EPB41L5: variants seen among roughly 807,000 people sequenced by gnomAD.
EPB41L5 encodes band 4.1-like protein 5.
A neutral mutation model predicts 106.6 loss-of-function variants in EPB41L5; 55 were observed. The ratio of observed to expected loss-of-function variants is 0.52; its 90% CI spans 0.42 to 0.65. The LOEUF (loss-of-function observed/expected upper bound fraction) is 0.65. Among genes scored for constraint, EPB41L5 ranks in the 30% least tolerant of loss-of-function variants. The pLI is 0.00. For synonymous variants in EPB41L5, 297 were observed against 306.7 expected, an observed-to-expected ratio of 0.97 and a Z score of 0.33; for missense variants, 871 against 882.1, an observed-to-expected ratio of 0.99 and a Z score of 0.16.
chr2:120,115,603 G>C (rs1311262045), intron 16 of EPB41L5, among the ~76,000 whole-genome samples: 5 of 151,904 alleles, frequency 3.3e-5, no homozygotes, highest in Admixed American at 2.6e-4. Flanking sequence ...TGTTGGTCAG[G>C]CTGGTCTCGA....
intron 18 of EPB41L5, among the ~76,000 whole-genome samples, chr2:120,139,893 T>TA (rs1391304719): frequency 6.6e-5 from 10 of 152,212 alleles, no homozygotes; most frequent in African/African-American, 2.4e-4. Context: ...CTGTTCACAG[T>TA]AGCCAAGATT....
At chr2:120,055,181 G>A (rs1442982483) in intron 3 of EPB41L5, among the ~76,000 whole-genome samples, 2 of 152,104 alleles carry the variant, frequency 1.3e-5, no homozygotes, top group Non-Finnish European at 1.5e-5. Flanking sequence ...TGATCTTTAT[G>A]TTGATCCTTA....
At chr2:120,098,120 T>G (rs1683875435) in intron 14 of EPB41L5, among the ~76,000 whole-genome samples, 1 of 149,744 alleles carries the variant, frequency 6.7e-6, no homozygotes, top group African/African-American at 2.5e-5. Flanking sequence ...ATCTTTAAAA[T>G]TGCCATGGCA....
chr2:120,047,516 C>A (rs190900015), intron 3 of EPB41L5, among the ~76,000 whole-genome samples: 6 of 151,812 alleles, frequency 4.0e-5, no homozygotes, highest in African/African-American at 1.5e-4. Flanking sequence ...GATTTTGTAT[C>A]CTGAGACTTT....
intron 3 of EPB41L5, among the ~76,000 whole-genome samples, chr2:120,055,546 T>C (rs1388845668): frequency 7.2e-6 from 1 of 138,716 alleles, no homozygotes; most frequent in East Asian, 2.2e-4. Flanking sequence ...TGGAGTGCAG[T>C]GGTGTGATCT....
At chr2:120,016,989 G>T (rs1026254764) in intron 1 of EPB41L5, among the ~76,000 whole-genome samples, 3 of 152,140 alleles carry the variant, frequency 2.0e-5, no homozygotes, top group African/African-American at 4.8e-5. Flanking sequence ...ACCTAATTAC[G>T]CAAGAGTATA....
At chr2:120,101,399 T>C (rs898578534) in intron 16 of EPB41L5, among the ~76,000 whole-genome samples, 2 of 152,240 alleles carry the variant, frequency 1.3e-5, no homozygotes, top group African/African-American at 4.8e-5. Context: ...ATGGATACTT[T>C]GTGTCTTATT....
At chr2:120,166,149 G>A (rs1296784225) in intron 22 of EPB41L5, among the ~76,000 whole-genome samples, 1 of 151,946 alleles carries the variant, frequency 6.6e-6, no homozygotes, top group East Asian at 1.9e-4. Context: ...CCCTTGGAGG[G>A]GACGTTAACA....
chr2:120,083,142 G>T (rs1574623043), intron 10 of EPB41L5, among the ~76,000 whole-genome samples: 1 of 152,078 alleles, frequency 6.6e-6, no homozygotes, highest in Non-Finnish European at 1.5e-5. Context: ...CCTGCCTTCT[G>T]CTAGCTTTTG....
chr2:120,032,015 G>T (rs1457336925), intron 2 of EPB41L5, among the ~76,000 whole-genome samples: 1 of 152,040 alleles, frequency 6.6e-6, no homozygotes, highest in Non-Finnish European at 1.5e-5. Context: ...CATAAAGGAC[G>T]TTCTAAGCAG....
chr2:120,171,000 T>C (rs983447824), intron 24 of EPB41L5, among the ~76,000 whole-genome samples: 1 of 152,164 alleles, frequency 6.6e-6, no homozygotes, highest in African/African-American at 2.4e-5. Flanking sequence ...AATATATAGA[T>C]GTTATAGTAA....
At chr2:120,157,788 TC>T (rs1172389212) in intron 20 of EPB41L5, among the ~76,000 whole-genome samples, 1 of 127,198 alleles carries the variant, frequency 7.9e-6, no homozygotes, top group Non-Finnish European at 1.7e-5. Context: ...AAAAAAAAAA[TC>T]CAAAAAAACC....
chr2:120,042,461 G>A (rs1443521482), intron 3 of EPB41L5, among the ~76,000 whole-genome samples: 6 of 152,110 alleles, frequency 3.9e-5, no homozygotes, highest in African/African-American at 1.2e-4. Flanking sequence ...ATGGGCTCTT[G>A]GGTAAACAAT....
intron 10 of EPB41L5, among the ~76,000 whole-genome samples, chr2:120,081,543 A>G (rs6714831): frequency 0.68 from 103,414 of 152,018 alleles, 36,983 homozygotes; most frequent in Non-Finnish European, 0.79. Flanking sequence ...CAGGTAGCGT[A>G]ATGCCTTCAG....
At chr2:120,156,472 C>T (rs761284191) in intron 20 of EPB41L5, among the ~76,000 whole-genome samples, 1 of 152,192 alleles carries the variant, frequency 6.6e-6, no homozygotes, top group African/African-American at 2.4e-5. Context: ...TGTTTCCTTG[C>T]CCCACCAGTG....
At chr2:120,061,363 C>T (rs1332431211) in intron 3 of EPB41L5, among the ~76,000 whole-genome samples, 132 of 150,094 alleles carry the variant, frequency 8.8e-4, no homozygotes, top group African/African-American at 3.1e-3. Context: ...GCTGGGACTA[C>T]AGGCGCCCGC....
At chr2:120,146,348 T>C in intron 20 of EPB41L5, 59 bp downstream of exon 20, 11 of 1,260,998 alleles carry the variant, frequency 8.7e-6, no homozygotes, top group Non-Finnish European at 1.3e-5. Context: ...GTCTTTTTTT[T>C]CTTCTCAGTC....
chr2:120,176,526 G>T lies in EPB41L5; in HGVS notation c.*1619G>T. On this transcript the variant is annotated 3_prime_UTR_variant, in exon 25 of 25. Transcript: ENST00000263713. The stretch of plus-strand genomic sequence containing the variant: ...GCTGTAGTGATTGGAACCCACGTTT[G>T]CACAAAACATTTTTGCAGAAGGAAA... The T allele has an allele frequency of 6.6e-6, 1 of 152,330 alleles. No individual in the cohort carries two copies. Among genetic ancestry groups the T allele is most frequent in the Non-Finnish European group, 1.5e-5 (1 of 68,030 alleles). 9.4% of individuals were successfully genotyped at this position (152,330 alleles called of 1,614,324 possible). A position where few individuals can be genotyped will look rare whatever the true frequency, so the allele number is the denominator to read the frequency against.
At chr2:120,134,681 C>G (rs1370656337) in intron 18 of EPB41L5, among the ~76,000 whole-genome samples, 5 of 152,178 alleles carry the variant, frequency 3.3e-5, no homozygotes, top group Admixed American at 6.5e-5. Flanking sequence ...GGATCTTACC[C>G]AAGACTACCA....
Sources: gnomAD v4.1 joint callset for allele counts (sites outside exome capture counted in the v4.1 genomes callset) on GRCh38, gnomAD v4.1.1 for gene constraint, MANE v1.5 for transcripts, NCBI Gene and HGNC (gene_info 2026-07-23, HGNC 2026-07-21) for gene names.